POGZ: variants seen among roughly 807,000 people sequenced by gnomAD.
POGZ encodes the protein pogo transposable element with ZNF domain.
In POGZ, 17 loss-of-function variants were observed where a neutral mutation model predicts 134.6. The ratio of observed to expected loss-of-function variants is 0.13; its 90% CI spans 0.09 to 0.19. The LOEUF (loss-of-function observed/expected upper bound fraction) is 0.19, where lower values mean the gene tolerates loss of function less well. POGZ is among the 10% of genes least tolerant of loss of function. The probability of loss-of-function intolerance (pLI) is 1.00; values close to 1 mark genes in which losing one functional copy is unlikely to be tolerated. For missense variants in POGZ, 1,306 were observed against 1,769.7 expected, an observed-to-expected ratio of 0.74 and a Z score of 4.70; for synonymous variants, 693 against 657.1, an observed-to-expected ratio of 1.05 and a Z score of -0.84.
intron 1 of POGZ, among the ~76,000 whole-genome samples, chr1:151,456,917 A>C (rs1368577832): frequency 5.9e-5 from 9 of 152,224 alleles, no homozygotes; most frequent in Admixed American, 5.9e-4. Context: ...TACTGCTTCA[A>C]GGGCATTCTC....
At chr1:151,421,517 A>G (rs1656909830) in intron 10 of POGZ, among the ~76,000 whole-genome samples, 2 of 152,250 alleles carry the variant, frequency 1.3e-5, no homozygotes, top group South Asian at 2.1e-4. Context: ...TCAAAGAGAT[A>G]TAAAAGGAAA....
At chr1:151,429,877 G>A (rs543509693) in intron 4 of POGZ, among the ~76,000 whole-genome samples, 166 bp from the exon 5 acceptor site, 3 of 152,178 alleles carry the variant, frequency 2.0e-5, no homozygotes, top group Non-Finnish European at 4.4e-5. Flanking sequence ...AGGAAATTCT[G>A]GCAAACTTTT....
chr1:151,453,108 A>G (rs1662338506), intron 1 of POGZ, among the ~76,000 whole-genome samples: 1 of 151,802 alleles, frequency 6.6e-6, no homozygotes, highest in South Asian at 2.1e-4. Flanking sequence ...TTTTTAGTAG[A>G]GACAGGTTTC....
rs942468660 is a variant in POGZ at position 151,413,831 on chromosome 1, C to T, written c.1679-1435G>A. On this transcript the variant is annotated intron_variant, in intron 10 of 18. Transcript: ENST00000271715. ...AAGTACCAGAATTACAGGTATGAGCCACTGTGCCTAGCCAAGTAATTTTTT... is the reference window on the plus strand; with the variant it reads ...AAGTACCAGAATTACAGGTATGAGCTACTGTGCCTAGCCAAGTAATTTTTT... 2.6e-5 allele frequency among the ~76,000 whole-genome samples: 4 copies of T among 152,254 alleles called. No individual in the cohort carries two copies. The East Asian group carries it at 7.7e-4, about 29-fold the overall frequency.
In POGZ at chr1:151,427,840, G is replaced by A; in HGVS notation, c.1061C>T (p.Pro354Leu). 1 of 1,612,438 alleles carries A rather than the reference G, an allele frequency of 6.2e-7. No individual in the cohort carries two copies. Among genetic ancestry groups the A allele is most frequent in the Non-Finnish European group, 8.5e-7 (1 of 1,178,524 alleles). The change falls in exon 7 of 19, where the codon CCT becomes CTT. Residue 354 changes from proline (P) to leucine (L), a missense_variant. Transcript: ENST00000271715. ...TATTGTACCTTTCATTGAAGACTCA[G>A]GTCCGCTGGTTCTTTGAGAGCCATG... Reference protein sequence around the residue: ...SAHGSQRTSGPESSMKVTSSI... With the variant: ...SAHGSQRTSGLESSMKVTSSI...
At chr1:151,448,488 A>C (rs1353448434) in intron 1 of POGZ, among the ~76,000 whole-genome samples, 1 of 152,152 alleles carries the variant, frequency 6.6e-6, no homozygotes, top group Non-Finnish European at 1.5e-5. Flanking sequence ...ATAAATTTTA[A>C]GAAAAATATA....
chr1:151,452,209 G>A (rs995363123), intron 1 of POGZ, among the ~76,000 whole-genome samples: 2 of 151,214 alleles, frequency 1.3e-5, no homozygotes, highest in African/African-American at 4.9e-5. Flanking sequence ...AAACAGAACC[G>A]ATCCCTCTAA....
chr1:151,452,146 G>A (rs1341932213), intron 1 of POGZ, among the ~76,000 whole-genome samples: 1 of 151,004 alleles, frequency 6.6e-6, no homozygotes, highest in Non-Finnish European at 1.5e-5. Context: ...GGGCATGGTG[G>A]CAGGCCAAGG....
At chr1:151,456,837 C>T (rs759207259) in intron 1 of POGZ, among the ~76,000 whole-genome samples, 1 of 152,088 alleles carries the variant, frequency 6.6e-6, no homozygotes, top group African/African-American at 2.4e-5. Context: ...CGAGATAGTG[C>T]CACTGCACTC....
Position 151,407,271 on chromosome 1 carries a change from C to T in POGZ, c.2396G>A (p.Ser799Asn), listed in dbSNP as rs1557870645. ...HMINNHVPRK[S>N]PKYLALFKNS... ...TTTAAACAAAGCCAAATACTTGGGG[C>T]TCTTCCGTGGAACATGATTGCTGAG... The change falls in exon 16 of 19, where the codon AGC (serine) becomes AAC (asparagine). Residue 799 changes from serine to asparagine, a missense_variant. Physicochemically the swap from Ser to Asn is conservative, Grantham distance 46 (BLOSUM62 1). Around this residue, in one of 10 missense-constraint regions of POGZ, gnomAD observed 34 missense variants for 95.5 expected, o/e 0.36. Coordinates refer to ENST00000271715, the MANE Select transcript of POGZ (RefSeq NM_015100.4). 1 of 1,610,050 alleles carries T rather than the reference C, an allele frequency of 6.2e-7. No individual in the cohort carries two copies. Among genetic ancestry groups the T allele is most frequent in the East Asian group, 2.2e-5 (1 of 44,878 alleles).
At chr1:151,430,270 C>T (rs1658479794) in intron 4 of POGZ, among the ~76,000 whole-genome samples, 1 of 152,124 alleles carries the variant, frequency 6.6e-6, no homozygotes, top group South Asian at 2.1e-4. Flanking sequence ...TTCCTTGTCT[C>T]CCAAAGGTCT....
intron 12 of POGZ, 96 bp from the exon 13 acceptor site, chr1:151,408,924 C>A (rs1467054678): frequency 1.0e-6 from 1 of 1,003,758 alleles, no homozygotes; most frequent in Non-Finnish European, 1.5e-6. Context: ...TCAACCATAT[C>A]ATTCTTCCCA....
rs1279168433 is a variant in POGZ at position 151,437,309 on chromosome 1, T to A, written c.283+3619A>T. 4.6e-5 allele frequency among the ~76,000 whole-genome samples: 7 copies of A among 152,252 alleles called. No homozygotes were observed. In the East Asian group the frequency reaches 1.3e-3, roughly 29 times the overall value. On this transcript the variant is annotated intron_variant, in intron 3 of 18. Transcript: ENST00000271715. ...CACATCTTTAATGTAGTTCTATTTA[T>A]CAATTTTACCCTTTATGGTTAGCTC...
In POGZ at chr1:151,405,810, G is replaced by A. The variant is rs1166781891; in HGVS notation, c.3225C>T (p.Phe1075=). Residue 1075 remains phenylalanine (F), a synonymous_variant, in exon 19 of 19, where the codon TTC becomes TTT. Transcript: ENST00000271715. The surrounding 1 kb of genome is among the most constrained non-coding windows in gnomAD (Gnocchi z 4.9). ...GGGGAGTCAGGTGGTGCCGCAGCAT[G>A]AAACGCACAGCCCACTCATAGGAGA... ...FKISYEWAVR[F]MLRHHLTPHA... 1 of 1,614,074 alleles carries A rather than the reference G, an allele frequency of 6.2e-7. No individual in the cohort carries two copies. The highest frequency in any genetic ancestry group is 8.5e-7 in the Non-Finnish European group (1 of 1,180,050).
chr1:151,432,271 C>T (rs1204301499), intron 3 of POGZ, among the ~76,000 whole-genome samples: 1 of 152,102 alleles, frequency 6.6e-6, no homozygotes, highest in South Asian at 2.1e-4. Flanking sequence ...GGGATGGGCC[C>T]CTCTGAAATG....
At chr1:151,411,910 G>T in intron 11 of POGZ, 139 bp from the exon 12 acceptor site, 1 of 668,960 alleles carries the variant, frequency 1.5e-6, no homozygotes, top group African/African-American at 1.9e-5. Context: ...TTATTTTCCT[G>T]ACTTTGTAAT....
chr1:151,436,376 C>T (rs1226513444), intron 3 of POGZ, among the ~76,000 whole-genome samples: 1 of 152,210 alleles, frequency 6.6e-6, no homozygotes, highest in Non-Finnish European at 1.5e-5. Flanking sequence ...TCTCTGTGGA[C>T]TTGCCTATTC....
chr1:151,446,420 T>G (rs1661279113), intron 1 of POGZ, among the ~76,000 whole-genome samples: 1 of 152,044 alleles, frequency 6.6e-6, no homozygotes, highest in Non-Finnish European at 1.5e-5. Context: ...AATGCGAATT[T>G]CAGATATTTA....
intron 1 of POGZ, 106 bp from the exon 2 acceptor site, chr1:151,442,311 G>C: frequency 1.1e-6 from 1 of 883,578 alleles, no homozygotes; most frequent in Non-Finnish European, 1.7e-6. Flanking sequence ...CTACCTCCTT[G>C]GACTCCTTTA....
Sources: gnomAD v4.1 joint callset for allele counts (sites outside exome capture counted in the v4.1 genomes callset) on GRCh38, gnomAD v4.1.1 for gene constraint, gnomAD v4.1.1 regional missense constraint, Gnocchi (gnomAD v3.1) non-coding constraint, MANE v1.5 for transcripts, NCBI Gene and HGNC (gene_info 2026-07-23, HGNC 2026-07-21) for gene names.